Variants in COL22A1 observed in about 807,000 individuals in gnomAD.
COL22A1 encodes collagen type XXII alpha 1 chain, also known as collagen alpha-1(XXII) chain.
A neutral mutation model predicts 248.9 loss-of-function variants in COL22A1; 221 were observed. That is an observed-to-expected ratio of 0.89 (90% confidence interval 0.80 to 0.99). The LOEUF is 0.99. Ranked by LOEUF, COL22A1 falls within the 50% of genes least tolerant of loss-of-function variation. The pLI is 0.00. For missense variants in COL22A1, 2,240 were observed against 2,179.0 expected (o/e 1.03, Z -0.56); for synonymous variants, 891 against 793.4 (o/e 1.12, Z -2.07).
In COL22A1 at chr8:138,763,776, A is replaced by G. The variant is rs116439976; in HGVS notation, c.1804-1310T>C. 8.3e-3 allele frequency among the ~76,000 whole-genome samples: 1,257 copies of G among 152,170 alleles called. 11 individuals carry two copies. The highest frequency in any genetic ancestry group is 0.029 in the African/African-American group (1,202 of 41,522). ...CTCCCCTGCACCCTTCGGGGCTCAGATTCAGTGTCCCCTCCTGACCTTTTC... is the reference window on the plus strand; with the variant it reads ...CTCCCCTGCACCCTTCGGGGCTCAGGTTCAGTGTCCCCTCCTGACCTTTTC... On this transcript the variant is annotated intron_variant, in intron 16 of 64. Coordinates refer to ENST00000303045, the MANE Select transcript of COL22A1 (RefSeq NM_152888.3).
chr8:138,890,451 C>G (rs11998363), intron 1 of COL22A1, among the ~76,000 whole-genome samples: 1 of 152,130 alleles, frequency 6.6e-6, no homozygotes, highest in South Asian at 2.1e-4. Flanking sequence ...TGCAGATGGC[C>G]TTATCTTTTT....
At chr8:138,592,280 T>C (rs1016892205) in intron 63 of COL22A1, among the ~76,000 whole-genome samples, 7 of 152,342 alleles carry the variant, frequency 4.6e-5, no homozygotes, top group African/African-American at 1.7e-4. Context: ...TTAAACTGTC[T>C]CTCACCCTTG....
intron 52 of COL22A1, among the ~76,000 whole-genome samples, chr8:138,621,947 A>G (rs191731927): frequency 1.1e-3 from 160 of 152,298 alleles, no homozygotes; most frequent in African/African-American, 2.8e-3. Context: ...CAATTTGCTC[A>G]GTTGCTACAA....
chr8:138,737,905 T>C (rs1831246262), intron 22 of COL22A1, among the ~76,000 whole-genome samples: 3 of 152,084 alleles, frequency 2.0e-5, no homozygotes, highest in Admixed American at 2.0e-4. Flanking sequence ...GTTCCTTTCC[T>C]TGGAAACAAC....
At chr8:138,596,275 A>C (rs1285201821) in intron 62 of COL22A1, among the ~76,000 whole-genome samples, 2 of 152,216 alleles carry the variant, frequency 1.3e-5, no homozygotes, top group Non-Finnish European at 2.9e-5. Context: ...CATGACTGAA[A>C]GGATTTTAGT....
At chr8:138,867,611 C>T (rs550602872) in intron 3 of COL22A1, among the ~76,000 whole-genome samples, 3 of 152,242 alleles carry the variant, frequency 2.0e-5, no homozygotes, top group South Asian at 2.1e-4. Flanking sequence ...ACTCTAGCCC[C>T]GCTGACATGA....
chr8:138,771,069 A>C (rs1834326463), intron 16 of COL22A1, among the ~76,000 whole-genome samples: 1 of 152,238 alleles, frequency 6.6e-6, no homozygotes, highest in East Asian at 1.9e-4. Flanking sequence ...CACTGCTCGC[A>C]GAGCCCCGAG....
At chr8:138,909,679 A>G (rs929699681) in intron 1 of COL22A1, among the ~76,000 whole-genome samples, 1 of 152,232 alleles carries the variant, frequency 6.6e-6, no homozygotes, top group African/African-American at 2.4e-5. Context: ...GCAAGTGGAC[A>G]GCAAGAGGGA....
intron 1 of COL22A1, among the ~76,000 whole-genome samples, chr8:138,884,792 C>T (rs1378552333): frequency 1.3e-5 from 2 of 152,138 alleles, no homozygotes; most frequent in African/African-American, 4.8e-5. Context: ...TCATGGGTGT[C>T]TGTGTGTATG....
At chr8:138,591,603 G>C in intron 63 of COL22A1, 102 bp from the exon 64 acceptor site, 1 of 866,746 alleles carries the variant, frequency 1.2e-6, no homozygotes, top group Non-Finnish European at 1.7e-6. Context: ...CTGGGCTGCT[G>C]TGGCATTCCA....
At chr8:138,708,483 C>T (rs1427408599) in intron 30 of COL22A1, among the ~76,000 whole-genome samples, 3 of 152,306 alleles carry the variant, frequency 2.0e-5, no homozygotes, top group East Asian at 1.9e-4. Flanking sequence ...AATAATACCA[C>T]ACATCTACAA....
chr8:138,825,444 G>A (rs1819505184), intron 6 of COL22A1, among the ~76,000 whole-genome samples: 4 of 152,156 alleles, frequency 2.6e-5, no homozygotes, highest in African/African-American at 9.7e-5. Flanking sequence ...CCTGTCAAAA[G>A]GTAAGCAAAT....
intron 27 of COL22A1, among the ~76,000 whole-genome samples, chr8:138,718,533 T>C (rs757464668): frequency 3.3e-5 from 5 of 152,244 alleles, no homozygotes; most frequent in African/African-American, 4.8e-5. Flanking sequence ...AAAATGTCAA[T>C]GCCTCTGCTC....
intron 10 of COL22A1, 51 bp from the exon 11 acceptor site, chr8:138,802,985 C>A (rs1172899968): frequency 8.5e-6 from 12 of 1,414,056 alleles, no homozygotes; most frequent in Non-Finnish European, 1.2e-5. Flanking sequence ...CCCGACAGGG[C>A]TCTTGCACAC....
In COL22A1 at chr8:138,796,635, CA is replaced by C. The variant is rs777061374; in HGVS notation, c.1596+183del. On this transcript the variant is annotated intron_variant, in intron 12 of 64. Coordinates refer to ENST00000303045, the MANE Select transcript of COL22A1 (RefSeq NM_152888.3). ...CCACCTTCTCTCTTTCTGCTGAGTA[CA>C]GTACATGCTTCAACCACCCAAGCCA... 1.4e-4 allele frequency among the ~76,000 whole-genome samples: 22 copies of C among 151,852 alleles called. 1 individual carries two copies. In the East Asian group the frequency reaches 1.7e-3, roughly 12 times the overall value.
intron 1 of COL22A1, among the ~76,000 whole-genome samples, chr8:138,887,741 T>C (rs1586970069): frequency 6.6e-6 from 1 of 152,192 alleles, no homozygotes; most frequent in Non-Finnish European, 1.5e-5. Flanking sequence ...TTTCTGAGGG[T>C]AGATTTGTAG....
At chr8:138,724,702 G>A (rs146808195) in intron 24 of COL22A1, 34 bp from the exon 25 acceptor site, 1 of 1,601,938 alleles carries the variant, frequency 6.2e-7, no homozygotes. Context: ...TGTTAGCCTG[G>A]CCTGTTCAGA....
intron 2 of COL22A1, 120 bp downstream of exon 2, chr8:138,882,962 C>T: frequency 1.1e-6 from 1 of 922,688 alleles, no homozygotes; most frequent in African/African-American, 1.7e-5. Flanking sequence ...CGGACTCTCC[C>T]TCTCTCTCAC....
At chr8:138,799,276 T>C (rs916815135) in intron 11 of COL22A1, among the ~76,000 whole-genome samples, 1 of 152,212 alleles carries the variant, frequency 6.6e-6, no homozygotes, top group African/African-American at 2.4e-5. Context: ...ATTATAATGA[T>C]TGCTTGGAAG....
Sources: allele counts gnomAD v4.1 joint callset (sites outside exome capture counted in the v4.1 genomes callset), GRCh38; gene constraint gnomAD v4.1.1; transcripts MANE v1.5; gene names NCBI Gene and HGNC (gene_info 2026-07-23, HGNC 2026-07-21).